PPP1R12B: variants seen among roughly 807,000 people sequenced by gnomAD.
PPP1R12B encodes the protein protein phosphatase 1 regulatory subunit 12B, also known as myosin phosphatase target subunit 2.
In PPP1R12B, 76 loss-of-function variants were observed where a neutral mutation model predicts 126.1. That is an observed-to-expected ratio of 0.60 (90% CI 0.50 to 0.73). The LOEUF (loss-of-function observed/expected upper bound fraction) is 0.73, where lower values mean the gene tolerates loss of function less well. Among genes scored for constraint, PPP1R12B ranks in the 30% least tolerant of loss-of-function variants. The pLI, the probability that PPP1R12B is intolerant of heterozygous loss-of-function variation, is 0.00. For missense variants in PPP1R12B, 1,052 were observed against 1,205.1 expected, an observed-to-expected ratio of 0.87 and a Z score of 1.88; for synonymous variants, 356 against 434.7, an observed-to-expected ratio of 0.82 and a Z score of 2.25.
At chr1:202,483,836 C>T (rs780534931) in intron 13 of PPP1R12B, among the ~76,000 whole-genome samples, 3 of 152,172 alleles carry the variant, frequency 2.0e-5, no homozygotes, top group Non-Finnish European at 4.4e-5. Context: ...TTTATATCCT[C>T]TTGCTTAATT....
intron 1 of PPP1R12B, among the ~76,000 whole-genome samples, chr1:202,399,734 G>A (rs1196764919): frequency 3.3e-5 from 5 of 152,144 alleles, no homozygotes; most frequent in African/African-American, 1.2e-4. Context: ...CTGACCTCGT[G>A]ATTTGCTTGC....
At chr1:202,366,334 C>A (rs1659227508) in intron 1 of PPP1R12B, among the ~76,000 whole-genome samples, 1 of 151,846 alleles carries the variant, frequency 6.6e-6, no homozygotes, top group Non-Finnish European at 1.5e-5. Context: ...GCTTGGCCAA[C>A]ATGGCGAAGC....
chr1:202,542,903 C>T (rs564181326), intron 18 of PPP1R12B, among the ~76,000 whole-genome samples: 1 of 152,260 alleles, frequency 6.6e-6, no homozygotes, highest in South Asian at 2.1e-4. Context: ...CATACAGTTT[C>T]TTCTAGAGAT....
At chr1:202,574,843 G>T in intron 23 of PPP1R12B, 1 of 627,556 alleles carries the variant, frequency 1.6e-6, no homozygotes, top group Non-Finnish European at 2.6e-6. Flanking sequence ...CCACCCATTT[G>T]CTCCATGACT....
Position 202,440,678 on chromosome 1 carries a change from T to C in PPP1R12B, c.1459-28T>C, listed in dbSNP as rs113792492. 1.6e-4 allele frequency: 254 copies of C among 1,552,470 alleles called. No homozygotes were observed. In the African/African-American group the frequency reaches 2.3e-3, roughly 14 times the overall value. ...ATGCTGTGCCAGTATTGTACCTTTC[T>C]TGTGCTTTACTTGTTTTTATTTTAC... is the stretch of plus-strand genomic sequence containing the variant. On this transcript the variant is annotated intron_variant, in intron 10 of 23. Transcript: ENST00000608999.
chr1:202,471,581 T>G (rs1023473972), intron 13 of PPP1R12B, among the ~76,000 whole-genome samples: 14 of 151,442 alleles, frequency 9.2e-5, no homozygotes, highest in African/African-American at 2.4e-4. Flanking sequence ...AAATGTTTTT[T>G]TTTTTTTTTT....
intron 13 of PPP1R12B, among the ~76,000 whole-genome samples, chr1:202,456,646 A>T (rs777116312): frequency 6.6e-6 from 1 of 152,238 alleles, no homozygotes; most frequent in Admixed American, 6.5e-5. Flanking sequence ...TACTTTGCCC[A>T]TAGCTCAAAG....
chr1:202,472,269 TC>T (rs1198975355), intron 13 of PPP1R12B, among the ~76,000 whole-genome samples: 1 of 152,212 alleles, frequency 6.6e-6, no homozygotes, highest in East Asian at 1.9e-4. Context: ...ATTTAACCAT[TC>T]CCCTTATTGT....
At chr1:202,543,572 T>A (rs1429035193) in intron 18 of PPP1R12B, among the ~76,000 whole-genome samples, 3 of 152,088 alleles carry the variant, frequency 2.0e-5, no homozygotes, top group Non-Finnish European at 4.4e-5. Flanking sequence ...AAACCCCATC[T>A]CTACTAAAAT....
Position 202,454,466 on chromosome 1 carries a change from A to G in PPP1R12B, c.1850+5295A>G, listed in dbSNP as rs187777108. Among the ~76,000 whole-genome samples the G allele has an allele frequency of 1.6e-3, 244 of 152,364 alleles. 2 individuals are homozygous for G. The highest frequency in any genetic ancestry group is 1.3e-3 in the Non-Finnish European group (89 of 68,034). On this transcript the variant is annotated intron_variant, in intron 13 of 23. Coordinates refer to ENST00000608999, the MANE Select transcript of PPP1R12B (RefSeq NM_002481.4). ...TGAATATTTTAAAGTACCTGTTGCC[A>G]GGTGCTATGAGAAGCCCAGGTGATA...
intron 8 of PPP1R12B, among the ~76,000 whole-genome samples, chr1:202,433,262 T>A (rs1408763212): frequency 6.6e-6 from 1 of 152,248 alleles, no homozygotes; most frequent in East Asian, 1.9e-4. Flanking sequence ...CTATTCTAGA[T>A]CACTTTTGTT....
At chr1:202,533,240 T>C (rs1420913695) in intron 18 of PPP1R12B, among the ~76,000 whole-genome samples, 2 of 152,274 alleles carry the variant, frequency 1.3e-5, no homozygotes, top group East Asian at 3.9e-4. Context: ...TTTTTGTGTA[T>C]CTCTAGTTAG....
chr1:202,533,395 A>G (rs1224557043), intron 18 of PPP1R12B, among the ~76,000 whole-genome samples: 1 of 151,964 alleles, frequency 6.6e-6, no homozygotes, highest in African/African-American at 2.4e-5. Context: ...TGCTCAGAGG[A>G]TCCTCCCACC....
intron 1 of PPP1R12B, chr1:202,410,028 A>G (rs1222032638): frequency 6.6e-6 from 1 of 152,170 alleles, no homozygotes; most frequent in Non-Finnish European, 1.5e-5. Context: ...AGTTCTCGAT[A>G]TACTCTGGAT....
At chr1:202,489,913 G>GTATA (rs1368571355) in intron 14 of PPP1R12B, among the ~76,000 whole-genome samples, 1 of 152,170 alleles carries the variant, frequency 6.6e-6, no homozygotes, top group East Asian at 1.9e-4. Context: ...AGGGAATATG[G>GTATA]TATAGTCTAC....
At chr1:202,549,697 C>T (rs1420831660) in intron 18 of PPP1R12B, among the ~76,000 whole-genome samples, 2 of 152,136 alleles carry the variant, frequency 1.3e-5, no homozygotes, top group Non-Finnish European at 2.9e-5. Flanking sequence ...GTATTACACG[C>T]ATGAGCCACC....
At chr1:202,472,130 G>A (rs1340280379) in intron 13 of PPP1R12B, 15 of 1,409,110 alleles carry the variant, frequency 1.1e-5, no homozygotes, top group South Asian at 5.2e-5. Context: ...TCTCATGTGC[G>A]TAGGTCATCA....
At position 202,584,778 on chromosome 1, in the gene PPP1R12B, A is replaced by T. The variant is rs1304709818; in HGVS notation, c.*4218A>T. 1.3e-5 allele frequency: 2 copies of T among 152,188 alleles called. No individual in the cohort carries two copies. The highest frequency in any genetic ancestry group is 2.9e-5 in the Non-Finnish European group (2 of 68,042). The allele number at this position is 152,188 out of a possible 1,614,324, so 9.4% of individuals were successfully genotyped here. On this transcript the variant is annotated 3_prime_UTR_variant, in exon 24 of 24. Coordinates refer to ENST00000608999, the MANE Select transcript of PPP1R12B (RefSeq NM_002481.4). ...AAAAAGGAAAAAGAAAGCAGAAAGG[A>T]TTCAGCATTTAAGCAGAAAGAAAAG... is the stretch of plus-strand genomic sequence containing the variant.
rs764614330 is a variant in PPP1R12B at position 202,564,458 on chromosome 1, C to G, written c.2668C>G (p.Leu890Val). Reference sequence around the variant, plus strand: ...TCTCCTCTAGCTCTATGAGAGTGCTCTGACTGAAAACCAAAAACTGAAAAC... The same window carrying G: ...TCTCCTCTAGCTCTATGAGAGTGCTGTGACTGAAAACCAAAAACTGAAAAC... The part of the protein sequence containing the change: ...RDYKKLYESA[L>V]TENQKLKTKL... Residue 890 changes from leucine to valine, a missense_variant, in exon 21 of 24, where the codon CTG (leucine) becomes GTG (valine). Physicochemically the swap from Leu to Val is conservative, Grantham distance 32. Transcript: ENST00000608999. 6.2e-7 allele frequency: 1 copy of G among 1,610,920 alleles called. No homozygotes were observed. The highest frequency in any genetic ancestry group is 8.5e-7 in the Non-Finnish European group (1 of 1,178,376).
Sources: allele counts gnomAD v4.1 joint callset (sites outside exome capture counted in the v4.1 genomes callset), GRCh38; gene constraint gnomAD v4.1.1; transcripts MANE v1.5; gene names NCBI Gene and HGNC (gene_info 2026-07-23, HGNC 2026-07-21).